The following SH3D19 variants were observed in gnomAD, a reference collection of about 807,000 sequenced individuals.
SH3D19 encodes SH3 domain containing 19, also known as SH3 domain-containing protein 19.
In SH3D19, 58 loss-of-function variants were observed where a neutral mutation model predicts 112.1. The ratio of observed to expected loss-of-function variants is 0.52; its 90% CI spans 0.42 to 0.64. The LOEUF (loss-of-function observed/expected upper bound fraction) is 0.64, where lower values mean the gene tolerates loss of function less well. Ranked by LOEUF, SH3D19 falls within the 30% of genes least tolerant of loss-of-function variation. The pLI is 0.00. For missense variants in SH3D19, 1,090 were observed against 1,263.4 expected, an observed-to-expected ratio of 0.86 and a Z score of 2.08; for synonymous variants, 391 against 448.5, an observed-to-expected ratio of 0.87 and a Z score of 1.62.
At chr4:151,170,872 C>A (rs1466521037) in intron 7 of SH3D19, 2 of 152,226 alleles carry the variant, frequency 1.3e-5, no homozygotes, top group Non-Finnish European at 2.9e-5. Context: ...TCATAAAAGA[C>A]ACACTTTGTA....
intron 1 of SH3D19, among the ~76,000 whole-genome samples, chr4:151,286,432 TA>T (rs533593468): frequency 3.8e-4 from 57 of 149,572 alleles, no homozygotes; most frequent in African/African-American, 1.2e-3. Flanking sequence ...CTTACAGAAA[TA>T]AAAAGAATTT....
chr4:151,285,929 A>T (rs28760401), intron 1 of SH3D19, among the ~76,000 whole-genome samples: 66,113 of 151,422 alleles, frequency 0.44, 15,255 homozygotes, highest in Non-Finnish European at 0.52. Flanking sequence ...GTGTGATGGC[A>T]CATACCTGTA....
At chr4:151,152,553 T>C (rs1474583029) in intron 9 of SH3D19, among the ~76,000 whole-genome samples, 3 of 142,906 alleles carry the variant, frequency 2.1e-5, no homozygotes, top group Non-Finnish European at 4.5e-5. Flanking sequence ...GGAGTCTCAC[T>C]CTGTTGCCCA....
chr4:151,132,382 G>C lies in SH3D19; in HGVS notation c.2691C>G (p.Ser897Arg). Residue 897 changes from serine (S) to arginine (R), a missense_variant and splice_region_variant, in exon 17 of 20, where the codon AGC (serine) becomes AGG (arginine). By Grantham distance (110) the Ser-to-Arg change is moderately radical (BLOSUM62 -1). Transcript: ENST00000604030. Reference protein sequence around the residue: ...DYPTSGANVLSTKVPLKTKKE... With the variant: ...DYPTSGANVLRTKVPLKTKKE... ...TTTTGGTTTTCAGTGGTACCTTTGT[G>C]CCTACATTAAAAAAACAAACAAACA... The C allele has an allele frequency of 6.2e-7, 1 of 1,613,214 alleles. No individual in the cohort carries two copies. Among genetic ancestry groups the C allele is most frequent in the Non-Finnish European group, 8.5e-7 (1 of 1,179,626 alleles).
At chr4:151,239,276 C>T (rs1188632005) in intron 1 of SH3D19, among the ~76,000 whole-genome samples, 2 of 152,176 alleles carry the variant, frequency 1.3e-5, no homozygotes, top group Non-Finnish European at 2.9e-5. Flanking sequence ...CTTTATATCC[C>T]TTGAAATGCC....
chr4:151,158,765 A>G (rs972891271), intron 9 of SH3D19, among the ~76,000 whole-genome samples: 1 of 151,848 alleles, frequency 6.6e-6, no homozygotes, highest in African/African-American at 2.4e-5. Flanking sequence ...AATCTCTTTG[A>G]CCTCCATCTT....
chr4:151,189,971 GC>G (rs1762381004), intron 2 of SH3D19, among the ~76,000 whole-genome samples: 2 of 152,148 alleles, frequency 1.3e-5, no homozygotes, highest in African/African-American at 4.8e-5. Context: ...GAATGGCTTT[GC>G]CCAAAATGCT....
chr4:151,272,634 G>A (rs569949084), intron 1 of SH3D19, among the ~76,000 whole-genome samples: 1 of 152,292 alleles, frequency 6.6e-6, no homozygotes, highest in Admixed American at 6.5e-5. Context: ...AACTGGGTCA[G>A]CTGCTTTGTA....
intron 2 of SH3D19, among the ~76,000 whole-genome samples, chr4:151,210,985 T>C (rs55744848): frequency 2.5e-3 from 378 of 152,244 alleles, no homozygotes; most frequent in Non-Finnish European, 3.7e-3. Context: ...CCCCATCTCA[T>C]CTCAGCCGTC....
chr4:151,216,652 A>G (rs1243780704), intron 2 of SH3D19, among the ~76,000 whole-genome samples: 15 of 152,212 alleles, frequency 9.9e-5, no homozygotes, highest in Non-Finnish European at 2.9e-5. Flanking sequence ...GAGAAAAAGT[A>G]ATAAACACAA....
chr4:151,155,165 C>T (rs1755852841), intron 9 of SH3D19, among the ~76,000 whole-genome samples: 1 of 152,224 alleles, frequency 6.6e-6, no homozygotes, highest in Non-Finnish European at 1.5e-5. Flanking sequence ...CACCCTCTCA[C>T]TCCTTTTTAT....
chr4:151,280,934 A>T (rs908410756), intron 1 of SH3D19, among the ~76,000 whole-genome samples: 36 of 152,370 alleles, frequency 2.4e-4, no homozygotes, highest in Middle Eastern at 3.4e-3. Flanking sequence ...ACATTTTCAC[A>T]TACACAAAGC....
intron 3 of SH3D19, among the ~76,000 whole-genome samples, chr4:151,183,634 G>T (rs1205013206): frequency 1.3e-5 from 2 of 152,168 alleles, no homozygotes; most frequent in Non-Finnish European, 2.9e-5. Context: ...TCAATAAAAT[G>T]ATGTCAGAAG....
chr4:151,219,505 A>G (rs1400907908), intron 2 of SH3D19, among the ~76,000 whole-genome samples: 1 of 152,114 alleles, frequency 6.6e-6, no homozygotes, highest in Non-Finnish European at 1.5e-5. Flanking sequence ...ATACTCTCAT[A>G]TGTACTTGGT....
chr4:151,299,580 C>CAAAAAAAAA (rs369585943), intron 1 of SH3D19, among the ~76,000 whole-genome samples: 1 of 92,802 alleles, frequency 1.1e-5, no homozygotes, highest in Non-Finnish European at 2.0e-5. Context: ...AACTCCGTCT[C>CAAAAAAAAA]AAAAAAAAAA....
At chr4:151,236,651 T>TA (rs958809288) in intron 1 of SH3D19, among the ~76,000 whole-genome samples, 1 of 152,048 alleles carries the variant, frequency 6.6e-6, no homozygotes, top group African/African-American at 2.4e-5. Context: ...TGTGTCTAGC[T>TA]AAAGGATTGT....
chr4:151,195,672 T>C (rs1763356194), intron 2 of SH3D19, among the ~76,000 whole-genome samples: 1 of 151,888 alleles, frequency 6.6e-6, no homozygotes, highest in African/African-American at 2.4e-5. Context: ...TCTATTAGAA[T>C]ATAATCTCCT....
chr4:151,160,799 G>A (rs1432163965), intron 8 of SH3D19, among the ~76,000 whole-genome samples: 3 of 151,776 alleles, frequency 2.0e-5, no homozygotes, highest in Non-Finnish European at 4.4e-5. Flanking sequence ...CATTCTCAAA[G>A]GGAGGAAAAT....
At chr4:151,128,434 G>A in intron 17 of SH3D19, 78 bp from the exon 18 acceptor site, 2 of 1,277,120 alleles carry the variant, frequency 1.6e-6, no homozygotes, top group East Asian at 2.6e-5. Context: ...AAAAAGTAGT[G>A]GGGAAAAAAA....
Sources: gnomAD v4.1 joint callset for allele counts (sites outside exome capture counted in the v4.1 genomes callset) on GRCh38, gnomAD v4.1.1 for gene constraint, MANE v1.5 for transcripts, NCBI Gene and HGNC (gene_info 2026-07-23, HGNC 2026-07-21) for gene names.